The following MIGA1 variants were observed in gnomAD, a reference collection of about 807,000 sequenced individuals.
MIGA1 encodes mitoguardin 1.
A neutral mutation model predicts 82.0 loss-of-function variants in MIGA1; 58 were observed. The observed-to-expected ratio is 0.71, with a 90% CI of 0.57 to 0.88. The LOEUF is 0.88. Among genes scored for constraint, MIGA1 ranks in the 40% least tolerant of loss-of-function variants. The pLI is 0.00. For missense variants in MIGA1, 751 were observed against 749.1 expected (o/e 1.00, Z -0.03); for synonymous variants, 249 against 253.6 (o/e 0.98, Z 0.17).
intron 7 of MIGA1, among the ~76,000 whole-genome samples, chr1:77,835,667 G>A (rs1684397499): frequency 6.6e-6 from 1 of 152,132 alleles, no homozygotes; most frequent in African/African-American, 2.4e-5. Flanking sequence ...TAAGAAATAA[G>A]CCAGGTGTGG....
intron 12 of MIGA1, 85 bp from the exon 13 acceptor site, chr1:77,863,809 G>A (rs976629492): frequency 4.5e-5 from 45 of 997,082 alleles, no homozygotes; most frequent in Non-Finnish European, 5.9e-5. Flanking sequence ...AACCCCTGCT[G>A]TTATAAAACC....
intron 2 of MIGA1, among the ~76,000 whole-genome samples, chr1:77,791,906 T>C (rs188175331): frequency 6.6e-6 from 1 of 152,362 alleles, no homozygotes; most frequent in Admixed American, 6.5e-5. Flanking sequence ...AATTATTGGC[T>C]GTATCATTTT....
At chr1:77,868,194 A>G (rs1198594167) in intron 14 of MIGA1, 2 of 152,218 alleles carry the variant, frequency 1.3e-5, no homozygotes, top group Non-Finnish European at 2.9e-5. Flanking sequence ...TAACATGTCT[A>G]ACTTTATTTT....
chr1:77,815,324 A>G (rs1683531082), intron 7 of MIGA1, 93 bp downstream of exon 7: 2 of 985,600 alleles, frequency 2.0e-6, no homozygotes, highest in Non-Finnish European at 2.7e-6. Flanking sequence ...TTATGTAATA[A>G]TAGGTTACTT....
At chr1:77,848,532 C>A in intron 8 of MIGA1, 1 of 1,276,138 alleles carries the variant, frequency 7.8e-7, no homozygotes, top group Non-Finnish European at 1.1e-6. Flanking sequence ...AATTTCTTGA[C>A]CAAGAAAGAT....
chr1:77,809,600 AT>A (rs1409111858), intron 5 of MIGA1, among the ~76,000 whole-genome samples: 4 of 151,018 alleles, frequency 2.6e-5, no homozygotes, highest in East Asian at 1.9e-4. Context: ...ACTAAAAAAA[AT>A]AAAATAAAAT....
chr1:77,811,776 C>T (rs1212067041), intron 5 of MIGA1: 30 of 1,581,370 alleles, frequency 1.9e-5, no homozygotes, highest in East Asian at 9.3e-5. Flanking sequence ...GGGTCACCTC[C>T]GACATGGCCG....
At position 77,779,704 on chromosome 1, in the gene MIGA1, G is replaced by A; in HGVS notation, c.49G>A (p.Gly17Ser). The change falls in exon 1 of 16, where the codon GGC becomes AGC. Residue 17 changes from glycine (G) to serine (S), a missense_variant. By Grantham distance (56) the Gly-to-Ser change is moderately conservative. Coordinates refer to ENST00000370791, the MANE Select transcript of MIGA1 (RefSeq NM_198549.4). ...AGGCATCAGCTGGGAAGCTGGCGTG[G>A]GCAGGCCAGCTGTACCTGGCCTGGA... The A allele has an allele frequency of 6.3e-7, 1 of 1,589,182 alleles. No individual in the cohort carries two copies. The highest frequency in any genetic ancestry group is 1.1e-5 in the South Asian group (1 of 87,160).
chr1:77,857,634 T>C (rs1042838976), intron 8 of MIGA1, among the ~76,000 whole-genome samples: 3 of 151,552 alleles, frequency 2.0e-5, no homozygotes, highest in African/African-American at 2.4e-5. Context: ...GTTATGATTG[T>C]GCCACTGCAC....
intron 7 of MIGA1, among the ~76,000 whole-genome samples, chr1:77,827,932 T>C (rs569132011): frequency 6.6e-6 from 1 of 151,688 alleles, no homozygotes; most frequent in East Asian, 1.9e-4. Flanking sequence ...GTGGTGTGCA[T>C]CTGTGGTCCC....
At chr1:77,861,680 G>A (rs1685460134) in intron 12 of MIGA1, 1 of 191,292 alleles carries the variant, frequency 5.2e-6, no homozygotes. Flanking sequence ...CAGCTCAGTA[G>A]GGCTGGGGAA....
At chr1:77,790,642 A>G (rs1196684054) in intron 2 of MIGA1, among the ~76,000 whole-genome samples, 3 of 149,738 alleles carry the variant, frequency 2.0e-5, no homozygotes, top group African/African-American at 7.4e-5. Context: ...TAGGAGTGCA[A>G]TGGTGCGATC....
chr1:77,870,756 G>C (rs1490128787), intron 14 of MIGA1, among the ~76,000 whole-genome samples: 1 of 150,038 alleles, frequency 6.7e-6, no homozygotes, highest in Non-Finnish European at 1.5e-5. Flanking sequence ...AGGTTGTAGC[G>C]AGCCGAGATC....
intron 7 of MIGA1, among the ~76,000 whole-genome samples, chr1:77,820,271 G>A (rs1221127089): frequency 6.6e-6 from 1 of 152,124 alleles, no homozygotes; most frequent in East Asian, 1.9e-4. Context: ...CAAGCTATGT[G>A]AGACAGAGGG....
At position 77,843,325 on chromosome 1, in the gene MIGA1, C is replaced by G; in HGVS notation, c.914C>G (p.Thr305Ser). ...TTTTAAGATAAAGATACAGATATCA[C>G]CATGAAGGGTAATGTGGAAGACTTT... Residue 305 changes from threonine to serine, a missense_variant, in exon 8 of 16, where the codon ACC becomes AGC. This residue lies in a region of MIGA1 where 482 missense variants were observed against 439.4 expected (regional missense o/e 1.10). Coordinates refer to ENST00000370791, the MANE Select transcript of MIGA1 (RefSeq NM_198549.4). 1 of 1,612,828 alleles carries G rather than the reference C, an allele frequency of 6.2e-7. No homozygotes were observed. The highest frequency in any genetic ancestry group is 1.7e-4 in the Middle Eastern group (1 of 6,058).
At chr1:77,779,763 G>A (rs1681814400) in intron 1 of MIGA1, 27 bp downstream of exon 1, 1 of 1,537,358 alleles carries the variant, frequency 6.5e-7, no homozygotes, top group Non-Finnish European at 8.8e-7. Context: ...GGGGTGGGGT[G>A]GAGAGGCGGG....
At chr1:77,782,859 T>C in intron 1 of MIGA1, 1 of 984,872 alleles carries the variant, frequency 1.0e-6, no homozygotes, top group Non-Finnish European at 1.2e-6. Context: ...CCCGCAGTTA[T>C]ATGAAGGAAA....
At chr1:77,779,996 G>A in intron 1 of MIGA1, 4 of 1,245,174 alleles carry the variant, frequency 3.2e-6, no homozygotes, top group Non-Finnish European at 4.0e-6. Flanking sequence ...AAGCAGGAGG[G>A]TCCCCACGCC....
chr1:77,854,584 T>G (rs146973616), intron 8 of MIGA1, among the ~76,000 whole-genome samples: 4,991 of 152,286 alleles, frequency 0.033, 141 homozygotes, highest in Non-Finnish European at 0.047. Flanking sequence ...ATTTTTTGAT[T>G]ATGGCCATTC....
Sources: allele counts gnomAD v4.1 joint callset (sites outside exome capture counted in the v4.1 genomes callset), GRCh38; gene constraint gnomAD v4.1.1; regional missense constraint gnomAD v4.1.1; transcripts MANE v1.5; gene names NCBI Gene and HGNC (gene_info 2026-07-23, HGNC 2026-07-21).